ASCC1: variants seen among roughly 807,000 people sequenced by gnomAD.
ASCC1 encodes the protein ASC-1 complex subunit P50.
A neutral mutation model predicts 46.6 loss-of-function variants in ASCC1; 35 were observed. That is an observed-to-expected ratio of 0.75 (90% confidence interval 0.57 to 0.99). The LOEUF (loss-of-function observed/expected upper bound fraction) is 0.99. Among genes scored for constraint, ASCC1 ranks in the 50% least tolerant of loss-of-function variants. The pLI is 0.00. For synonymous variants in ASCC1, 143 were observed against 146.6 expected (o/e 0.98, Z 0.18); for missense variants, 376 against 428.7 (o/e 0.88, Z 1.09).
At chr10:72,181,940 C>T (rs1314587849) in intron 5 of ASCC1, among the ~76,000 whole-genome samples, 1 of 152,160 alleles carries the variant, frequency 6.6e-6, no homozygotes, top group Non-Finnish European at 1.5e-5. Context: ...CTCACCTCAG[C>T]CTCCCAAAGT....
At chr10:72,176,837 C>T (rs1045698667) in intron 5 of ASCC1, among the ~76,000 whole-genome samples, 7 of 152,068 alleles carry the variant, frequency 4.6e-5, no homozygotes, top group Non-Finnish European at 1.0e-4. Context: ...ATTTCCTCTG[C>T]GCAGAATGCT....
At chr10:72,119,263 T>C (rs553957548) in intron 9 of ASCC1, among the ~76,000 whole-genome samples, 1 of 152,334 alleles carries the variant, frequency 6.6e-6, no homozygotes, top group East Asian at 1.9e-4. Flanking sequence ...CATTCTGAAA[T>C]ATGCCAGACC....
chr10:72,175,046 G>C (rs937016741), intron 5 of ASCC1, among the ~76,000 whole-genome samples: 2 of 152,156 alleles, frequency 1.3e-5, no homozygotes, highest in Non-Finnish European at 2.9e-5. Context: ...AAATCTTGTA[G>C]AACTGTTTCT....
intron 5 of ASCC1, among the ~76,000 whole-genome samples, chr10:72,196,497 G>T (rs1304168503): frequency 6.6e-6 from 1 of 151,962 alleles, no homozygotes; most frequent in Non-Finnish European, 1.5e-5. Flanking sequence ...GCCCAGGCTG[G>T]TCTTGAACGC....
chr10:72,155,834 C>T (rs1055124812), intron 6 of ASCC1, among the ~76,000 whole-genome samples: 4 of 152,188 alleles, frequency 2.6e-5, no homozygotes, highest in Admixed American at 6.5e-5. Flanking sequence ...CTTCTCCAAA[C>T]CCCAAGGGGA....
intron 9 of ASCC1, among the ~76,000 whole-genome samples, chr10:72,112,326 A>T (rs1444975490): frequency 1.3e-5 from 2 of 152,194 alleles, no homozygotes; most frequent in African/African-American, 4.8e-5. Context: ...ACTGGACACA[A>T]AAGGACAAAT....
At chr10:72,209,211 A>G (rs7920821) in intron 3 of ASCC1, among the ~76,000 whole-genome samples, 150,760 of 152,160 alleles carry the variant, frequency 0.99, 74,721 homozygotes, top group Middle Eastern at 1. Context: ...GGGATATGGT[A>G]GTTGGGCACA....
At chr10:72,139,057 G>C (rs1846631115) in intron 7 of ASCC1, among the ~76,000 whole-genome samples, 1 of 151,500 alleles carries the variant, frequency 6.6e-6, no homozygotes, top group South Asian at 2.1e-4. Context: ...AGGGTACTTG[G>C]ACATAATCGT....
chr10:72,119,766 A>C (rs887940433), intron 9 of ASCC1, among the ~76,000 whole-genome samples: 4 of 152,196 alleles, frequency 2.6e-5, no homozygotes, highest in Admixed American at 6.5e-5. Flanking sequence ...CAGGGCAAAC[A>C]TCAGAACCAG....
chr10:72,114,623 CA>C (rs34531262), intron 9 of ASCC1, among the ~76,000 whole-genome samples: 43,294 of 94,636 alleles, frequency 0.46, 5,196 homozygotes, highest in African/African-American at 0.57. Flanking sequence ...GACTCCGTCT[CA>C]AAAAAAAAAA....
intron 6 of ASCC1, among the ~76,000 whole-genome samples, chr10:72,156,429 C>T (rs952545443): frequency 6.6e-5 from 10 of 152,264 alleles, no homozygotes; most frequent in African/African-American, 2.2e-4. Flanking sequence ...AATACACATG[C>T]TATATTGTCA....
At chr10:72,112,329 G>A (rs899209755) in intron 9 of ASCC1, among the ~76,000 whole-genome samples, 3 of 152,094 alleles carry the variant, frequency 2.0e-5, no homozygotes, top group Non-Finnish European at 4.4e-5. Flanking sequence ...GGACACAAAA[G>A]GACAAATGTA....
At chr10:72,148,972 G>A (rs1847955282) in intron 7 of ASCC1, among the ~76,000 whole-genome samples, 1 of 152,032 alleles carries the variant, frequency 6.6e-6, no homozygotes, top group African/African-American at 2.4e-5. Context: ...CTGTGAGGCT[G>A]GATTTTCTCA....
chr10:72,115,963 G>A (rs1401781212), intron 9 of ASCC1, among the ~76,000 whole-genome samples: 1 of 152,054 alleles, frequency 6.6e-6, no homozygotes, highest in African/African-American at 2.4e-5. Context: ...AAATCAAATG[G>A]CCCAATTTAT....
At chr10:72,189,995 A>G (rs2133163647) in intron 5 of ASCC1, 1 of 757,516 alleles carries the variant, frequency 1.3e-6, no homozygotes. Flanking sequence ...GTCTGATGTC[A>G]TGTGCTTTCT....
chr10:72,200,918 AAT>A (rs1856405852), intron 4 of ASCC1, among the ~76,000 whole-genome samples: 1 of 152,174 alleles, frequency 6.6e-6, no homozygotes, highest in Non-Finnish European at 1.5e-5. Context: ...TAGTTAGTTA[AAT>A]TAATCAGAAT....
chr10:72,121,297 C>T (rs1161846095), intron 9 of ASCC1, among the ~76,000 whole-genome samples: 1 of 151,860 alleles, frequency 6.6e-6, no homozygotes, highest in Admixed American at 6.6e-5. Context: ...GCGTGCACCA[C>T]CATGCCCAGC....
chr10:72,128,875 G>C (rs1845214918), intron 8 of ASCC1, among the ~76,000 whole-genome samples: 1 of 152,154 alleles, frequency 6.6e-6, no homozygotes, highest in Admixed American at 6.5e-5. Context: ...TCCTTCTCAA[G>C]TAAAAATTCA....
chr10:72,190,171 G>A (rs1354372848), intron 5 of ASCC1: 4 of 763,338 alleles, frequency 5.2e-6, no homozygotes, highest in Non-Finnish European at 9.6e-6. Flanking sequence ...CAGTTCCTAA[G>A]GGTGCAACTT....
Sources: allele counts gnomAD v4.1 joint callset (sites outside exome capture counted in the v4.1 genomes callset), GRCh38; gene constraint gnomAD v4.1.1; transcripts MANE v1.5; gene names NCBI Gene and HGNC (gene_info 2026-07-23, HGNC 2026-07-21).